C12orf54: variants seen among roughly 807,000 people sequenced by gnomAD.
C12orf54 encodes the protein chromosome 12 open reading frame 54, also known as uncharacterized protein C12orf54.
In C12orf54, 24 loss-of-function variants were observed where a neutral mutation model predicts 26.4. That is an observed-to-expected ratio of 0.91 (90% confidence interval 0.66 to 1.28). C12orf54 has a LOEUF of 1.28. Ranked by LOEUF, C12orf54 falls within the 50% of genes most tolerant of loss-of-function variation. The pLI, the probability that C12orf54 is intolerant of heterozygous loss-of-function variation, is 0.00. For missense variants in C12orf54, 154 were observed against 150.9 expected, an observed-to-expected ratio of 1.02 and a Z score of -0.11; for synonymous variants, 54 against 47.0, an observed-to-expected ratio of 1.15 and a Z score of -0.61.
At position 48,486,188 on chromosome 12, in the gene C12orf54, G is replaced by C; in HGVS notation, c.76G>C (p.Glu26Gln). Residue 26 changes from glutamate to glutamine, a missense_variant, in exon 3 of 9, where the codon GAA (glutamate) becomes CAA (glutamine). By Grantham distance (29) the Glu-to-Gln change is conservative. Coordinates refer to ENST00000548364, the MANE Select transcript of C12orf54 (RefSeq NM_152319.4). ...TSKQQRSTSI[E>Q]ETMRPQEKQV... ...ATTCTTTCTTTGCAGCACATCCATA[G>C]AAGAGACAATGAGACCACAGGTGGG... The C allele has an allele frequency of 6.2e-7, 1 of 1,611,342 alleles. No homozygotes were observed. The highest frequency in any genetic ancestry group is 8.5e-7 in the Non-Finnish European group (1 of 1,177,444).
the C12orf54 span, among the ~76,000 whole-genome samples, chr12:48,413,925 A>T: frequency 6.6e-6 from 1 of 152,164 alleles, no homozygotes; most frequent in African/African-American, 2.4e-5. Flanking sequence ...ACTCACTGTT[A>T]CCCATAATTC....
At chr12:48,488,526 T>A (rs1937711483) in intron 4 of C12orf54, 1 of 389,984 alleles carries the variant, frequency 2.6e-6, no homozygotes, top group South Asian at 2.2e-5. Flanking sequence ...CCGGAACTTT[T>A]TCCAAAGTGA....
chr12:48,486,369 C>T (rs1234746707), intron 3 of C12orf54, 161 bp downstream of exon 3: 7 of 688,968 alleles, frequency 1.0e-5, no homozygotes, highest in Non-Finnish European at 1.7e-5. Context: ...TCTACCAAAC[C>T]AGGTAACGTC....
chr12:48,429,505 GC>G, the C12orf54 span, among the ~76,000 whole-genome samples: 1 of 151,558 alleles, frequency 6.6e-6, no homozygotes, highest in African/African-American at 2.4e-5. Flanking sequence ...CAAATCAGTA[GC>G]TCTCCCATAC....
the C12orf54 span, among the ~76,000 whole-genome samples, chr12:48,433,463 G>A: frequency 2.7e-5 from 4 of 149,462 alleles, no homozygotes; most frequent in East Asian, 2.1e-4. Context: ...TTTGGGGGGG[G>A]GGGGGGCAGG....
intron 2 of C12orf54, among the ~76,000 whole-genome samples, chr12:48,484,567 C>T (rs886100634): frequency 6.6e-6 from 1 of 152,198 alleles, no homozygotes; most frequent in African/African-American, 2.4e-5. Context: ...TTAACAGTTA[C>T]AAATGCTTTC....
At chr12:48,487,849 A>G (rs1042205416) in intron 4 of C12orf54, 3 of 513,932 alleles carry the variant, frequency 5.8e-6, no homozygotes, top group African/African-American at 3.8e-5. Context: ...CAGTTCCAAC[A>G]GTCACTGGAT....
the C12orf54 span, among the ~76,000 whole-genome samples, chr12:48,422,558 T>G: frequency 6.6e-6 from 1 of 152,262 alleles, no homozygotes; most frequent in East Asian, 1.9e-4. Context: ...CTTGACCTTT[T>G]TTTCTGTACT....
At chr12:48,431,196 T>A in the C12orf54 span, among the ~76,000 whole-genome samples, 2 of 152,282 alleles carry the variant, frequency 1.3e-5, no homozygotes, top group Non-Finnish European at 2.9e-5. Flanking sequence ...GTGCAATGTG[T>A]ACTGCTCAGG....
intron 8 of C12orf54, chr12:48,495,742 T>C (rs533128573): frequency 1.7e-4 from 26 of 151,624 alleles, no homozygotes; most frequent in African/African-American, 6.2e-4. Context: ...GTACAGTGAC[T>C]CTATGTATTT....
chr12:48,446,793 C>T, the C12orf54 span, among the ~76,000 whole-genome samples: 1 of 152,074 alleles, frequency 6.6e-6, no homozygotes, highest in Non-Finnish European at 1.5e-5. Flanking sequence ...CAAATCTACC[C>T]ACATATTTAA....
Position 48,494,909 on chromosome 12 carries a change from C to G in C12orf54, c.354C>G (p.Phe118Leu). ...TCCACAACCTGAAGACACAGCTCTT[C>G]AGTCAATCAGCTTACTACCCTGGAC... ...GRIHNLKTQLFSQSAYYPGP is the reference protein window; with the variant it reads ...GRIHNLKTQLLSQSAYYPGP The change falls in exon 8 of 9, where the codon TTC becomes TTG. Residue 118 changes from phenylalanine to leucine, a missense_variant. Physicochemically the swap from Phe to Leu is conservative, Grantham distance 22. Transcript: ENST00000548364. The G allele has an allele frequency of 6.2e-7, 1 of 1,612,956 alleles. No homozygotes were observed. Among genetic ancestry groups the G allele is most frequent in the Non-Finnish European group, 8.5e-7 (1 of 1,178,864 alleles).
At chr12:48,445,074 G>A in the C12orf54 span, among the ~76,000 whole-genome samples, 1 of 152,178 alleles carries the variant, frequency 6.6e-6, no homozygotes, top group Non-Finnish European at 1.5e-5. Context: ...GGGAGGCTGA[G>A]GCAGGAGAAT....
the C12orf54 span, among the ~76,000 whole-genome samples, chr12:48,454,699 A>G: frequency 1.3e-5 from 2 of 152,246 alleles, no homozygotes; most frequent in African/African-American, 4.8e-5. Flanking sequence ...TCTCTTTTTA[A>G]GATTGAAATT....
At chr12:48,456,943 T>C in the C12orf54 span, among the ~76,000 whole-genome samples, 1 of 152,186 alleles carries the variant, frequency 6.6e-6, no homozygotes, top group East Asian at 1.9e-4. Flanking sequence ...AGGACCAGTC[T>C]GCCAAGAATC....
At chr12:48,450,968 C>G in the C12orf54 span, among the ~76,000 whole-genome samples, 1 of 152,046 alleles carries the variant, frequency 6.6e-6, no homozygotes, top group South Asian at 2.1e-4. Flanking sequence ...TCCTTCCTAG[C>G]TCATTCTATG....
At chr12:48,419,980 A>G in the C12orf54 span, among the ~76,000 whole-genome samples, 4 of 152,246 alleles carry the variant, frequency 2.6e-5, no homozygotes, top group African/African-American at 9.6e-5. Context: ...TCTTGTGCTG[A>G]ATCCAAAAAG....
chr12:48,456,460 C>T, the C12orf54 span, among the ~76,000 whole-genome samples: 2 of 152,092 alleles, frequency 1.3e-5, no homozygotes, highest in East Asian at 1.9e-4. Flanking sequence ...GAAGTCTTCC[C>T]GGCAGAGGAA....
At chr12:48,447,228 G>A in the C12orf54 span, among the ~76,000 whole-genome samples, 1 of 151,884 alleles carries the variant, frequency 6.6e-6, no homozygotes, top group Non-Finnish European at 1.5e-5. Context: ...GTGTGTGTGT[G>A]TGTGTGTGTG....
Sources: gnomAD v4.1 joint callset for allele counts (sites outside exome capture counted in the v4.1 genomes callset) on GRCh38, gnomAD v4.1.1 for gene constraint, MANE v1.5 for transcripts, NCBI Gene and HGNC (gene_info 2026-07-23, HGNC 2026-07-21) for gene names.